Variants in PRMT8 observed in about 807,000 individuals in gnomAD.
The protein encoded by PRMT8 is protein arginine N-methyltransferase 8.
A neutral mutation model predicts 47.1 loss-of-function variants in PRMT8; 7 were observed. The ratio of observed to expected loss-of-function variants is 0.15; its 90% CI spans 0.08 to 0.28. The LOEUF is 0.28. PRMT8 is among the 10% of genes least tolerant of loss of function. The pLI, the probability that PRMT8 is intolerant of heterozygous loss-of-function variation, is 1.00. For missense variants in PRMT8, 237 were observed against 505.4 expected, an observed-to-expected ratio of 0.47 and a Z score of 5.09; for synonymous variants, 188 against 186.5, an observed-to-expected ratio of 1.01 and a Z score of -0.07.
At chr12:3,551,944 GA>G in intron 3 of PRMT8, 1 of 152,898 alleles carries the variant, frequency 6.5e-6, no homozygotes, top group Non-Finnish European at 1.5e-5. Context: ...GAGGGGCCTG[GA>G]AAAGCAGAAA....
chr12:3,459,168 G>C (rs976622663), intron 1 of PRMT8, among the ~76,000 whole-genome samples: 1 of 152,092 alleles, frequency 6.6e-6, no homozygotes, highest in African/African-American at 2.4e-5. Flanking sequence ...TGGCTAACTA[G>C]AAAAATCAGA....
rs754466983 is a variant in PRMT8 at position 3,491,715 on chromosome 12, G to T, written c.75+15G>T. On this transcript the variant is annotated intron_variant, in intron 1 of 9. Coordinates refer to ENST00000382622, the MANE Select transcript of PRMT8 (RefSeq NM_019854.5). ...AGAGCACCGAGGTAAGGAGGCGAGC[G>T]AGCAGGGGCTCTCGGAGACCCCGCC... The T allele has an allele frequency of 6.2e-7, 1 of 1,602,310 alleles. No homozygotes were observed.
chr12:3,497,776 T>C (rs937133556), intron 1 of PRMT8, among the ~76,000 whole-genome samples: 4 of 152,172 alleles, frequency 2.6e-5, no homozygotes, highest in Admixed American at 1.3e-4. Context: ...TAAGTAAAGA[T>C]CTCTTTTTAA....
intron 1 of PRMT8, among the ~76,000 whole-genome samples, chr12:3,532,643 A>T (rs890971516): frequency 1.5e-5 from 2 of 134,556 alleles, no homozygotes; most frequent in East Asian, 2.2e-4. Flanking sequence ...AAAAAAAAAG[A>T]GCTCTCTCTT....
At position 3,583,619 on chromosome 12, in the gene PRMT8, A is replaced by G. The variant is rs775933459; in HGVS notation, c.979+411A>G. On this transcript the variant is annotated intron_variant, in intron 8 of 9. Coordinates refer to ENST00000382622, the MANE Select transcript of PRMT8 (RefSeq NM_019854.5). This position sits in a 1 kb window ranked among gnomAD's most constrained non-coding sequence, Gnocchi z 4.7. The stretch of plus-strand genomic sequence containing the variant: ...CAGCCTGTCTTGCAGCAGCCTGCAC[A>G]CTGGTCTCTATGTCTCCTTCCCTTC... Among the ~76,000 whole-genome samples the G allele has an allele frequency of 6.6e-6, 1 of 152,192 alleles. No individual in the cohort carries two copies. The highest frequency in any genetic ancestry group is 1.9e-4 in the East Asian group (1 of 5,184).
chr12:3,507,652 G>A (rs1865651365), intron 1 of PRMT8, among the ~76,000 whole-genome samples: 2 of 151,848 alleles, frequency 1.3e-5, no homozygotes, highest in African/African-American at 4.8e-5. Context: ...TTCGCCCACA[G>A]GTACATAGTA....
intron 8 of PRMT8, among the ~76,000 whole-genome samples, chr12:3,591,853 T>G (rs1867313201): frequency 6.6e-6 from 1 of 152,218 alleles, no homozygotes; most frequent in Non-Finnish European, 1.5e-5. Context: ...CTGAAGATCT[T>G]CATTCTGTTG....
rs896254612 is a variant in PRMT8 at position 3,557,491 on chromosome 12, C to G, written c.481+3777C>G. Among the ~76,000 whole-genome samples the G allele has an allele frequency of 1.3e-5, 2 of 152,186 alleles. No individual in the cohort carries two copies. The highest frequency in any genetic ancestry group is 2.9e-5 in the Non-Finnish European group (2 of 68,036). ...CAAGTAGGGGGATGCTGCTCAGACC[C>G]CTTGGCCTCTGGCTTGGTGTCCAGC... On this transcript the variant is annotated intron_variant, in intron 4 of 9. Transcript: ENST00000382622. This position sits in a 1 kb window ranked among gnomAD's most constrained non-coding sequence, Gnocchi z 4.7.
At chr12:3,429,748 C>T (rs560932777) in intron 1 of PRMT8, among the ~76,000 whole-genome samples, 18 of 152,334 alleles carry the variant, frequency 1.2e-4, no homozygotes, top group South Asian at 4.1e-4. Context: ...AGTTCCTTCC[C>T]GGTGTTCAGC....
intron 1 of PRMT8, among the ~76,000 whole-genome samples, chr12:3,469,674 CA>C (rs1442637416): frequency 1.3e-5 from 2 of 152,044 alleles, no homozygotes; most frequent in Non-Finnish European, 2.9e-5. Flanking sequence ...TGAATATATA[CA>C]AAAACCACCT....
At chr12:3,425,161 G>A (rs1473435363) in intron 1 of PRMT8, among the ~76,000 whole-genome samples, 26 of 152,212 alleles carry the variant, frequency 1.7e-4, no homozygotes, top group Admixed American at 9.2e-4. Context: ...TGCAAACTTC[G>A]ATGGTTATGT....
At chr12:3,452,179 A>G (rs890929845) in intron 1 of PRMT8, among the ~76,000 whole-genome samples, 22 of 152,280 alleles carry the variant, frequency 1.4e-4, no homozygotes, top group African/African-American at 5.1e-4. Context: ...GAGGGTGGGA[A>G]GAGGGAGAGG....
At chr12:3,509,081 C>T (rs1865672710) in intron 1 of PRMT8, among the ~76,000 whole-genome samples, 1 of 152,212 alleles carries the variant, frequency 6.6e-6, no homozygotes, top group Admixed American at 6.5e-5. Context: ...TCTTGGTTCT[C>T]CTATCACAGC....
At chr12:3,568,880 C>T (rs772923946) in intron 5 of PRMT8, 32 bp downstream of exon 5, 6 of 1,612,120 alleles carry the variant, frequency 3.7e-6, no homozygotes, top group East Asian at 2.2e-5. Flanking sequence ...CCCGCGTTGG[C>T]CGGCTGGCTG....
intron 1 of PRMT8, among the ~76,000 whole-genome samples, chr12:3,403,052 C>G (rs934698989): frequency 6.6e-6 from 1 of 152,102 alleles, no homozygotes; most frequent in Non-Finnish European, 1.5e-5. Flanking sequence ...CTAAAAGTGA[C>G]ATGGAATCCA....
At chr12:3,490,171 A>G (rs1865365341), upstream of PRMT8, among the ~76,000 whole-genome samples, 1 of 152,176 alleles carries the variant, frequency 6.6e-6, no homozygotes, top group Non-Finnish European at 1.5e-5. Flanking sequence ...AGCATCTTAT[A>G]GGTCTCAGTC....
rs1029732538 is a variant in PRMT8, at chr12:3,593,001, C to A, written c.1102-98C>A. 6 of 904,600 alleles carry A rather than the reference C, an allele frequency of 6.6e-6. No homozygotes were observed. The African/African-American group carries it at 9.9e-5, about 15-fold the overall frequency. The allele number at this position is 904,600 out of a possible 1,614,324, so 56.0% of individuals were successfully genotyped here. A position where few individuals can be genotyped will look rare whatever the true frequency, so the allele number is the denominator to read the frequency against. ...AAAGCCTTAAGACGCTGGTGCTACC[C>A]ATCCCTGTGGTTCCAGGAGCAGGTG... is the stretch of plus-strand genomic sequence containing the variant. On this transcript the variant is annotated intron_variant, in intron 9 of 9. Transcript: ENST00000382622. This position sits in a 1 kb window ranked among gnomAD's most constrained non-coding sequence, Gnocchi z 4.8.
At chr12:3,454,632 C>G (rs938931270) in intron 1 of PRMT8, among the ~76,000 whole-genome samples, 1 of 152,096 alleles carries the variant, frequency 6.6e-6, no homozygotes, top group African/African-American at 2.4e-5. Context: ...GCACAGCACT[C>G]CCAGTGAAAC....
At chr12:3,517,603 G>A (rs543673921) in intron 1 of PRMT8, among the ~76,000 whole-genome samples, 4 of 152,254 alleles carry the variant, frequency 2.6e-5, no homozygotes, top group African/African-American at 2.4e-5. Flanking sequence ...TCCGGTAAGC[G>A]GGGCTGAGTA....
Sources: allele counts gnomAD v4.1 joint callset (sites outside exome capture counted in the v4.1 genomes callset), GRCh38; gene constraint gnomAD v4.1.1; non-coding constraint Gnocchi (gnomAD v3.1); transcripts MANE v1.5; gene names NCBI Gene and HGNC (gene_info 2026-07-23, HGNC 2026-07-21).